The following ADAM9 variants were observed in gnomAD, a reference collection of about 807,000 sequenced individuals.
The protein encoded by ADAM9 is ADAM metallopeptidase domain 9, also known as disintegrin and metalloproteinase domain-containing protein 9.
In ADAM9, 54 loss-of-function variants were observed where a neutral mutation model predicts 108.1. That is an observed-to-expected ratio of 0.50 (90% CI 0.40 to 0.63). The LOEUF (loss-of-function observed/expected upper bound fraction) is 0.63, where lower values mean the gene tolerates loss of function less well. Ranked by LOEUF, ADAM9 falls within the 20% of genes least tolerant of loss-of-function variation. The pLI, the probability that ADAM9 is intolerant of heterozygous loss-of-function variation, is 0.00. For missense variants in ADAM9, 830 were observed against 997.7 expected (o/e 0.83, Z 2.26); for synonymous variants, 316 against 336.0 (o/e 0.94, Z 0.65).
intron 1 of ADAM9, among the ~76,000 whole-genome samples, chr8:39,004,639 G>A (rs1836104556): frequency 6.6e-6 from 1 of 152,118 alleles, no homozygotes; most frequent in Non-Finnish European, 1.5e-5. Context: ...ACAGTGGCAC[G>A]GGCTGCTCAG....
chr8:39,006,289 G>C (rs1223672934), intron 1 of ADAM9, among the ~76,000 whole-genome samples: 1 of 152,136 alleles, frequency 6.6e-6, no homozygotes, highest in African/African-American at 2.4e-5. Flanking sequence ...GAGTTTAAAA[G>C]CTGTTTATAC....
At chr8:39,001,968 C>T (rs951713466) in intron 1 of ADAM9, among the ~76,000 whole-genome samples, 2 of 145,454 alleles carry the variant, frequency 1.4e-5, no homozygotes, top group African/African-American at 5.2e-5. Flanking sequence ...ACGCCCAGCC[C>T]AAAGGTAGTT....
chr8:39,037,940 C>T (rs1440084921), intron 11 of ADAM9, among the ~76,000 whole-genome samples: 1 of 152,196 alleles, frequency 6.6e-6, no homozygotes, highest in Non-Finnish European at 1.5e-5. Context: ...CCATAGTCTT[C>T]CCCATGTGAA....
At chr8:39,011,772 G>A in intron 3 of ADAM9, 56 bp downstream of exon 3, 1 of 1,493,262 alleles carries the variant, frequency 6.7e-7, no homozygotes. Flanking sequence ...TAGTATATTG[G>A]TTTTCTTTCT....
chr8:39,005,109 C>T (rs1836119315), intron 1 of ADAM9, among the ~76,000 whole-genome samples: 1 of 152,156 alleles, frequency 6.6e-6, no homozygotes, highest in Admixed American at 6.5e-5. Flanking sequence ...CATCCTTTTA[C>T]ATGGGAACCT....
chr8:39,017,404 A>G lies in ADAM9; in HGVS notation c.596A>G (p.Gln199Arg). Reference sequence around the variant, plus strand: ...GAGGAAGAGCCTCCCAGCATGACTCAGCTACTTCGAGTAAGGAAATAACAT... The same window carrying G: ...GAGGAAGAGCCTCCCAGCATGACTCGGCTACTTCGAGTAAGGAAATAACAT... ...DEEEEPPSMT[Q>R]LLRRRRAVLP... The change falls in exon 6 of 22, where the codon CAG becomes CGG. Residue 199 changes from glutamine (Q) to arginine (R), a missense_variant. This residue lies in a region of ADAM9 where 381 missense variants were observed against 539.8 expected (regional missense o/e 0.71). Transcript: ENST00000487273. The G allele has an allele frequency of 1.2e-6, 2 of 1,613,926 alleles. No individual in the cohort carries two copies. The highest frequency in any genetic ancestry group is 1.7e-6 in the Non-Finnish European group (2 of 1,179,862).
At chr8:39,052,531 T>C (rs1474846409) in intron 12 of ADAM9, among the ~76,000 whole-genome samples, 1 of 151,644 alleles carries the variant, frequency 6.6e-6, no homozygotes, top group African/African-American at 2.4e-5. Context: ...TTAGTATTCC[T>C]ATATATAGAT....
intron 3 of ADAM9, among the ~76,000 whole-genome samples, chr8:39,013,214 G>C (rs984971071): frequency 6.6e-6 from 1 of 152,136 alleles, no homozygotes; most frequent in African/African-American, 2.4e-5. Context: ...ACAGAAATTT[G>C]CCTCCATACT....
At position 39,068,675 on chromosome 8, in the gene ADAM9, C is replaced by CAA. The variant is rs562274321; in HGVS notation, c.1592-2585_1592-2584dup. 3.6e-4 allele frequency among the ~76,000 whole-genome samples: 15 copies of CAA among 42,044 alleles called. 2 individuals carry two copies. The highest frequency in any genetic ancestry group is 5.1e-4 in the African/African-American group (7 of 13,762). 27.6% of individuals were successfully genotyped at this position (42,044 alleles called of 152,430 possible). On this transcript the variant is annotated intron_variant, in intron 14 of 21. Coordinates refer to ENST00000487273, the MANE Select transcript of ADAM9 (RefSeq NM_003816.3). ...GAGTGACAAGAGTGAAACTTCTCCT[C>CAA]AAAAAAAAAAAAAAAAAAAAAAAAA... is the stretch of plus-strand genomic sequence containing the variant.
chr8:39,084,294 G>T, intron 18 of ADAM9, among the ~76,000 whole-genome samples: 1 of 146,870 alleles, frequency 6.8e-6, no homozygotes, highest in East Asian at 2.0e-4. Context: ...GGTTTCATTT[G>T]TTCTTTTTCT....
At chr8:39,087,291 AG>A (rs1171132292) in intron 18 of ADAM9, among the ~76,000 whole-genome samples, 2 of 152,000 alleles carry the variant, frequency 1.3e-5, no homozygotes, top group African/African-American at 4.8e-5. Context: ...CCTGATGTCC[AG>A]TGTCTTGAAA....
intron 11 of ADAM9, among the ~76,000 whole-genome samples, chr8:39,034,755 T>C (rs971341150): frequency 3.3e-5 from 5 of 152,218 alleles, no homozygotes; most frequent in African/African-American, 1.2e-4. Flanking sequence ...CATTATTCCA[T>C]TGAAATGAAT....
intron 12 of ADAM9, among the ~76,000 whole-genome samples, chr8:39,048,277 G>A (rs1190406894): frequency 6.6e-6 from 1 of 152,118 alleles, no homozygotes; most frequent in Non-Finnish European, 1.5e-5. Flanking sequence ...TTGTCCAAAA[G>A]TATTTTTTAA....
chr8:39,030,693 A>G (rs763221494), intron 11 of ADAM9, among the ~76,000 whole-genome samples: 8 of 152,228 alleles, frequency 5.3e-5, no homozygotes, highest in Non-Finnish European at 1.0e-4. Flanking sequence ...CAAAGTAGCT[A>G]TACCATTTTG....
At chr8:39,086,206 GGTTT>G (rs1277620153) in intron 18 of ADAM9, among the ~76,000 whole-genome samples, 1 of 151,982 alleles carries the variant, frequency 6.6e-6, no homozygotes, top group Non-Finnish European at 1.5e-5. Flanking sequence ...GTAGAGACAG[GGTTT>G]TACGCTGTTG....
intron 14 of ADAM9, among the ~76,000 whole-genome samples, chr8:39,056,611 G>C (rs763667552): frequency 1.2e-4 from 18 of 152,238 alleles, no homozygotes; most frequent in Non-Finnish European, 2.2e-4. Flanking sequence ...CAACTAAACT[G>C]TATAGTAAGT....
chr8:39,089,780 T>A, intron 18 of ADAM9: 1 of 432,994 alleles, frequency 2.3e-6, no homozygotes, highest in East Asian at 4.9e-5. Context: ...TAAGAAAGTG[T>A]TGACAGTAGA....
chr8:39,007,681 A>C (rs978897456), intron 1 of ADAM9, among the ~76,000 whole-genome samples: 1 of 152,202 alleles, frequency 6.6e-6, no homozygotes, highest in African/African-American at 2.4e-5. Flanking sequence ...AAGAAAATAC[A>C]TTTTCCTCCC....
rs1347327355 is a variant in ADAM9, at chr8:39,104,983, T to G, written c.*1283T>G. 7.0e-6 allele frequency: 3 copies of G among 428,248 alleles called. No homozygotes were observed. The highest frequency in any genetic ancestry group is 5.6e-5 in the Admixed American group (2 of 36,034). 26.5% of individuals were successfully genotyped at this position (428,248 alleles called of 1,614,324 possible). A position where few individuals can be genotyped will look rare whatever the true frequency, so the allele number is the denominator to read the frequency against. The stretch of plus-strand genomic sequence containing the variant: ...ATACAAATACAACATTTACAATAAA[T>G]AAAATACTTGAAATTCTCTTTTGTG... On this transcript the variant is annotated 3_prime_UTR_variant, in exon 22 of 22. Transcript: ENST00000487273.
Sources: allele counts gnomAD v4.1 joint callset (sites outside exome capture counted in the v4.1 genomes callset), GRCh38; gene constraint gnomAD v4.1.1; regional missense constraint gnomAD v4.1.1; transcripts MANE v1.5; gene names NCBI Gene and HGNC (gene_info 2026-07-23, HGNC 2026-07-21).